WBP1L: variants seen among roughly 807,000 people sequenced by gnomAD.
The protein encoded by WBP1L is WW domain binding protein 1-like.
WBP1L carries 17 observed loss-of-function variants against 33.7 expected under a neutral mutation model. The ratio of observed to expected loss-of-function variants is 0.50; its 90% CI spans 0.34 to 0.76. The LOEUF (loss-of-function observed/expected upper bound fraction) is 0.76, where lower values mean the gene tolerates loss of function less well. Ranked by LOEUF, WBP1L falls within the 30% of genes least tolerant of loss-of-function variation. WBP1L has a pLI of 0.01. For missense variants in WBP1L, 389 were observed against 469.4 expected, an observed-to-expected ratio of 0.83 and a Z score of 1.58; for synonymous variants, 173 against 190.8, an observed-to-expected ratio of 0.91 and a Z score of 0.77.
At chr10:102,773,865 A>G (rs201355349) in intron 1 of WBP1L, among the ~76,000 whole-genome samples, 1,246 of 43,158 alleles carry the variant, frequency 0.029, 20 homozygotes, top group African/African-American at 0.16. Flanking sequence ...AAAACAAAAC[A>G]AAAAAAAAAA....
chr10:102,784,872 CTT>C (rs61102977), intron 1 of WBP1L, among the ~76,000 whole-genome samples: 4 of 142,294 alleles, frequency 2.8e-5, no homozygotes, highest in East Asian at 2.2e-4. Context: ...ACTTTTTTTT[CTT>C]TTTTTTTTTT....
At position 102,815,083 on chromosome 10, in the gene WBP1L, A is replaced by T. The variant is rs1365026083; in HGVS notation, c.*1752A>T. On this transcript the variant is annotated 3_prime_UTR_variant, in exon 4 of 4. Coordinates refer to ENST00000448841, the MANE Select transcript of WBP1L (RefSeq NM_001083913.2). ...TTCCTGTGAAGATACTTTGAGTGGC[A>T]GCCATTCTCTCCACGTGAACCACAC... is the stretch of plus-strand genomic sequence containing the variant. 2 of 152,532 alleles carry T rather than the reference A, an allele frequency of 1.3e-5. No individual in the cohort carries two copies. The highest frequency in any genetic ancestry group is 2.9e-5 in the Non-Finnish European group (2 of 68,022). The allele number at this position is 152,532 out of a possible 1,614,324, so 9.4% of individuals were successfully genotyped here.
Position 102,809,900 on chromosome 10 carries a change from G to A in WBP1L, c.201G>A (p.Trp67Ter). The A allele has an allele frequency of 1.2e-6, 2 of 1,611,520 alleles. No individual in the cohort carries two copies. Among genetic ancestry groups the A allele is most frequent in the Non-Finnish European group, 1.7e-6 (2 of 1,178,842 alleles). Residue 67 changes from tryptophan (W) to a stop codon, truncating the protein, a stop_gained, in exon 3 of 4, where the codon TGG (tryptophan) becomes TGA (stop). Coordinates refer to ENST00000448841, the MANE Select transcript of WBP1L (RefSeq NM_001083913.2). LOFTEE classifies it high-confidence loss of function. The part of the protein sequence containing the change: ...CNYYYELWWF[W>*]LVWTIIIILS... ...GCCTTGCCCACCCCCCAGGGTTCTG[G>A]CTGGTGTGGACCATCATCATCATCC...
intron 1 of WBP1L, among the ~76,000 whole-genome samples, chr10:102,755,774 G>A (rs546408455): frequency 1.8e-4 from 28 of 152,222 alleles, no homozygotes; most frequent in South Asian, 6.2e-4. Context: ...GGCCGGGCGC[G>A]GTGGCTCATG....
intron 1 of WBP1L, among the ~76,000 whole-genome samples, chr10:102,753,411 A>T (rs1842943180): frequency 6.6e-6 from 1 of 152,226 alleles, no homozygotes; most frequent in South Asian, 2.1e-4. Context: ...GTAAATCCAG[A>T]ACATTGCAAC....
At chr10:102,750,743 C>T (rs532226957) in intron 1 of WBP1L, among the ~76,000 whole-genome samples, 7 of 151,992 alleles carry the variant, frequency 4.6e-5, no homozygotes, top group East Asian at 2.0e-4. Context: ...CCTTGTGATC[C>T]GCCCGCCTCA....
chr10:102,779,114 TC>T (rs1372840242), intron 1 of WBP1L, among the ~76,000 whole-genome samples: 1 of 151,844 alleles, frequency 6.6e-6, no homozygotes, highest in African/African-American at 2.4e-5. Context: ...TGCATTGTTC[TC>T]CTTGGGGCAT....
chr10:102,810,990 ATC>A (rs138777840), intron 3 of WBP1L, among the ~76,000 whole-genome samples: 6 of 144,254 alleles, frequency 4.2e-5, no homozygotes, highest in African/African-American at 1.0e-4. Context: ...TCATTCATCC[ATC>A]TCTCTCTCTC....
chr10:102,756,328 T>G (rs915878108), intron 1 of WBP1L, among the ~76,000 whole-genome samples: 13 of 152,074 alleles, frequency 8.5e-5, no homozygotes, highest in African/African-American at 3.1e-4. Context: ...GAGAATCACT[T>G]GAACCCGGGA....
intron 1 of WBP1L, among the ~76,000 whole-genome samples, chr10:102,779,285 C>T (rs1310566362): frequency 6.6e-6 from 1 of 150,744 alleles, no homozygotes; most frequent in Non-Finnish European, 1.5e-5. Flanking sequence ...GCGACAAGAG[C>T]GAGACTCCAT....
chr10:102,761,682 T>A (rs1246496025), intron 1 of WBP1L, among the ~76,000 whole-genome samples: 1 of 152,068 alleles, frequency 6.6e-6, no homozygotes, highest in Non-Finnish European at 1.5e-5. Context: ...GGTCTCAATT[T>A]CCTGATCTCG....
At chr10:102,744,940 T>G (rs1399391094) in intron 1 of WBP1L, among the ~76,000 whole-genome samples, 2 of 152,220 alleles carry the variant, frequency 1.3e-5, no homozygotes, top group Non-Finnish European at 2.9e-5. Context: ...AGCTTGCTTG[T>G]GCTGATTCCA....
chr10:102,794,374 G>T (rs1819313005), intron 1 of WBP1L, among the ~76,000 whole-genome samples: 1 of 152,196 alleles, frequency 6.6e-6, no homozygotes, highest in African/African-American at 2.4e-5. Context: ...AGCTACTCGG[G>T]AGGCTGAGGC....
intron 1 of WBP1L, among the ~76,000 whole-genome samples, chr10:102,783,562 C>T (rs941456020): frequency 2.0e-5 from 3 of 152,186 alleles, no homozygotes; most frequent in Admixed American, 2.0e-4. Flanking sequence ...GGCTAAAACA[C>T]GGTTCTGTAC....
Position 102,769,838 on chromosome 10 carries a change from G to C in WBP1L, c.90+25695G>C, listed in dbSNP as rs537678473. ...GGATTACATACTGCAGTTAAGAACCGTTTACCTAACTCTCTTTCCTGAAAG... is the reference window on the plus strand; with the variant it reads ...GGATTACATACTGCAGTTAAGAACCCTTTACCTAACTCTCTTTCCTGAAAG... On this transcript the variant is annotated intron_variant, in intron 1 of 3. Transcript: ENST00000448841. Among the ~76,000 whole-genome samples the C allele has an allele frequency of 2.8e-4, 43 of 152,220 alleles. No individual in the cohort carries two copies. In the South Asian group the frequency reaches 8.1e-3, roughly 29 times the overall value.
intron 1 of WBP1L, among the ~76,000 whole-genome samples, chr10:102,777,907 A>C (rs975393923): frequency 6.6e-6 from 1 of 152,154 alleles, no homozygotes; most frequent in African/African-American, 2.4e-5. Context: ...TGAGCCCTGG[A>C]GAGGATTTCA....
chr10:102,809,997 A>G lies in WBP1L; in HGVS notation c.298A>G (p.Ile100Val). ...TCAGGCCCAGCAGCGGCAACATGAA[A>G]TCAACCTGATCGCTTACCGAGAAGC... ...RLQAQQRQHE[I>V]NLIAYREAHN... Residue 100 changes from isoleucine (I) to valine (V), a missense_variant, in exon 3 of 4, where the codon ATC becomes GTC. Coordinates refer to ENST00000448841, the MANE Select transcript of WBP1L (RefSeq NM_001083913.2). 6.2e-7 allele frequency: 1 copy of G among 1,614,010 alleles called. No individual in the cohort carries two copies. The highest frequency in any genetic ancestry group is 8.5e-7 in the Non-Finnish European group (1 of 1,180,010).
At position 102,813,584 on chromosome 10, in the gene WBP1L, C is replaced by T. The variant is rs113317311; in HGVS notation, c.*253C>T. The T allele has an allele frequency of 2.7e-4, 141 of 523,262 alleles. No individual in the cohort carries two copies. The highest frequency in any genetic ancestry group is 2.3e-3 in the African/African-American group (123 of 52,592). 32.4% of individuals were successfully genotyped at this position (523,262 alleles called of 1,614,324 possible). ...CTGTGACTCATTCCTCATACCCTAA[C>T]TCCATCTCCTTTCTTTAAAGTCAAA... On this transcript the variant is annotated 3_prime_UTR_variant, in exon 4 of 4. Transcript: ENST00000448841.
intron 1 of WBP1L, among the ~76,000 whole-genome samples, chr10:102,748,428 T>C (rs1842890508): frequency 1.3e-5 from 2 of 152,216 alleles, no homozygotes; most frequent in Non-Finnish European, 1.5e-5. Flanking sequence ...TTCTCCTTTC[T>C]TACAAATGGT....
Sources: gnomAD v4.1 joint callset for allele counts (sites outside exome capture counted in the v4.1 genomes callset) on GRCh38, gnomAD v4.1.1 for gene constraint, MANE v1.5 for transcripts, NCBI Gene and HGNC (gene_info 2026-07-23, HGNC 2026-07-21) for gene names.